The following LPGAT1 variants were observed in gnomAD, a reference collection of about 807,000 sequenced individuals.
The protein encoded by LPGAT1 is lysophosphatidylglycerol acyltransferase 1, also known as acyl-CoA:lysophosphatidylglycerol acyltransferase 1.
LPGAT1 carries 11 observed loss-of-function variants against 47.5 expected under a neutral mutation model. The ratio of observed to expected loss-of-function variants is 0.23; its 90% CI spans 0.15 to 0.38. The LOEUF (loss-of-function observed/expected upper bound fraction) is 0.38. LPGAT1 is among the 10% of genes least tolerant of loss of function. The probability of loss-of-function intolerance (pLI) is 1.00; values close to 1 mark genes in which losing one functional copy is unlikely to be tolerated. For missense variants in LPGAT1, 293 were observed against 439.0 expected (o/e 0.67, Z 2.97); for synonymous variants, 138 against 144.2 (o/e 0.96, Z 0.31).
chr1:211,775,509 C>T (rs958372684), intron 6 of LPGAT1, among the ~76,000 whole-genome samples: 1 of 151,988 alleles, frequency 6.6e-6, no homozygotes, highest in Non-Finnish European at 1.5e-5. Context: ...CAGTTATTGC[C>T]CTCTATGAAA....
At chr1:211,822,310 A>G (rs1386959066) in intron 2 of LPGAT1, among the ~76,000 whole-genome samples, 1 of 152,210 alleles carries the variant, frequency 6.6e-6, no homozygotes, top group East Asian at 1.9e-4. Flanking sequence ...TCTTTGAAAT[A>G]AGGACATCAA....
chr1:211,810,648 T>G (rs910244518), intron 2 of LPGAT1, among the ~76,000 whole-genome samples: 3 of 152,170 alleles, frequency 2.0e-5, no homozygotes, highest in Admixed American at 2.0e-4. Context: ...TTCAAGAAGT[T>G]TGCTCACTTA....
At chr1:211,810,351 G>C (rs1379042152) in intron 2 of LPGAT1, among the ~76,000 whole-genome samples, 1 of 152,102 alleles carries the variant, frequency 6.6e-6, no homozygotes, top group Non-Finnish European at 1.5e-5. Context: ...ATAGAGGGTG[G>C]AAGGAAAAAA....
intron 2 of LPGAT1, among the ~76,000 whole-genome samples, chr1:211,799,146 T>C (rs754361677): frequency 6.6e-6 from 1 of 152,158 alleles, no homozygotes; most frequent in Admixed American, 6.5e-5. Flanking sequence ...TAGGAAATCA[T>C]GGTCAGTGTC....
rs138092554 is a variant in LPGAT1, at chr1:211,803,846, C to T, written c.239-10656G>A. ...CACAACCTTGGCTCACTGCAGTCTC[C>T]ACCTCCCATGTTCAAACAATTCTCC... On this transcript the variant is annotated intron_variant, in intron 2 of 7. Transcript: ENST00000366997. Among the ~76,000 whole-genome samples, 369 of 150,094 alleles carry T rather than the reference C, an allele frequency of 2.5e-3. 3 individuals are homozygous for T. Among genetic ancestry groups the T allele is most frequent in the African/African-American group, 8.4e-3 (342 of 40,816 alleles).
At position 211,748,179 on chromosome 1, in the gene LPGAT1, T is replaced by A. The variant is rs1022020990; in HGVS notation, c.*1720A>T. 3 of 152,568 alleles carry A rather than the reference T, an allele frequency of 2.0e-5. No individual in the cohort carries two copies. Among genetic ancestry groups the A allele is most frequent in the Admixed American group, 2.0e-4 (3 of 15,274 alleles). 9.5% of individuals were successfully genotyped at this position (152,568 alleles called of 1,614,324 possible). A position where few individuals can be genotyped will look rare whatever the true frequency, so the allele number is the denominator to read the frequency against. On this transcript the variant is annotated 3_prime_UTR_variant, in exon 8 of 8. Transcript: ENST00000366997. The stretch of plus-strand genomic sequence containing the variant: ...TGTGTGATTAGTGACAACGGGGGAA[T>A]CTACAATGCTCACATCACAGTAAAC...
intron 6 of LPGAT1, among the ~76,000 whole-genome samples, chr1:211,756,751 T>A (rs1235335633): frequency 6.6e-6 from 1 of 152,214 alleles, no homozygotes; most frequent in African/African-American, 2.4e-5. Flanking sequence ...TCTTTCAAAC[T>A]AAACATTTTT....
intron 2 of LPGAT1, among the ~76,000 whole-genome samples, chr1:211,808,492 G>T (rs1659847447): frequency 1.3e-5 from 2 of 152,080 alleles, no homozygotes; most frequent in Admixed American, 6.6e-5. Context: ...AACATCATTA[G>T]CCACTAGGGA....
Position 211,752,244 on chromosome 1 carries a change from G to A in LPGAT1, c.855-1177C>T, listed in dbSNP as rs556826979. Among the ~76,000 whole-genome samples the A allele has an allele frequency of 5.6e-4, 85 of 151,982 alleles. 1 individual carries two copies. The highest frequency in any genetic ancestry group is 9.6e-4 in the Non-Finnish European group (65 of 67,990). ...TAACAAATTCAACCACAAACTCTCA[G>A]GCAATTGTCTATAATCAATGCTCTA... On this transcript the variant is annotated intron_variant, in intron 6 of 7. Transcript: ENST00000366997.
chr1:211,806,507 C>T (rs1387165570), intron 2 of LPGAT1, among the ~76,000 whole-genome samples: 2 of 151,984 alleles, frequency 1.3e-5, no homozygotes, highest in African/African-American at 2.4e-5. Flanking sequence ...ATGGTAGACA[C>T]TGAGGACTCC....
At chr1:211,781,038 C>T (rs967659409) in intron 5 of LPGAT1, among the ~76,000 whole-genome samples, 4 of 152,088 alleles carry the variant, frequency 2.6e-5, no homozygotes, top group African/African-American at 9.7e-5. Flanking sequence ...ACATATTAAA[C>T]ACAAAGGCAT....
chr1:211,813,525 T>C (rs1660070512), intron 2 of LPGAT1, among the ~76,000 whole-genome samples: 1 of 152,202 alleles, frequency 6.6e-6, no homozygotes, highest in South Asian at 2.1e-4. Context: ...GGGTATTATG[T>C]CGGTACTTAT....
At chr1:211,754,229 G>T (rs945901527) in intron 6 of LPGAT1, among the ~76,000 whole-genome samples, 1 of 152,164 alleles carries the variant, frequency 6.6e-6, no homozygotes, top group African/African-American at 2.4e-5. Flanking sequence ...GGGGCTGCGG[G>T]ATCTGCATTC....
intron 6 of LPGAT1, among the ~76,000 whole-genome samples, chr1:211,777,813 C>A (rs1052028766): frequency 4.6e-5 from 7 of 152,122 alleles, no homozygotes; most frequent in Admixed American, 1.3e-4. Context: ...GCTGCATTCC[C>A]AGATAGTTAA....
intron 2 of LPGAT1, among the ~76,000 whole-genome samples, chr1:211,820,937 C>A (rs1660348685): frequency 6.6e-6 from 1 of 152,016 alleles, no homozygotes; most frequent in Non-Finnish European, 1.5e-5. Flanking sequence ...AAGGGAGAAT[C>A]CCTTTGGGCA....
At chr1:211,778,341 CAAAAAAAAAAAA>C (rs551509650) in intron 6 of LPGAT1, among the ~76,000 whole-genome samples, 1 of 33,180 alleles carries the variant, frequency 3.0e-5, no homozygotes, top group Admixed American at 3.9e-4. Context: ...GACTCTGTCT[CAAAAAAAAAAAA>C]AAAAAAAAAA....
At position 211,749,392 on chromosome 1, in the gene LPGAT1, G is replaced by C. The variant is rs1463954640; in HGVS notation, c.*507C>G. On this transcript the variant is annotated 3_prime_UTR_variant, in exon 8 of 8. Coordinates refer to ENST00000366997, the MANE Select transcript of LPGAT1 (RefSeq NM_014873.3). ...CTGCAACAGACTGGAGTTTGTTACT[G>C]CAACAGACTGGAGTTTGTTACTGCA... is the stretch of plus-strand genomic sequence containing the variant. The C allele has an allele frequency of 6.3e-6, 1 of 158,194 alleles. No homozygotes were observed. The highest frequency in any genetic ancestry group is 1.4e-5 in the Non-Finnish European group (1 of 72,442). The allele number at this position is 158,194 out of a possible 1,614,324, so 9.8% of individuals were successfully genotyped here.
rs981028752 is a variant in LPGAT1 at position 211,747,953 on chromosome 1, T to C, written c.*1946A>G. 1 of 152,626 alleles carries C rather than the reference T, an allele frequency of 6.6e-6. No individual in the cohort carries two copies. The highest frequency in any genetic ancestry group is 1.5e-5 in the Non-Finnish European group (1 of 68,036). The allele number at this position is 152,626 out of a possible 1,614,324, so 9.5% of individuals were successfully genotyped here. On this transcript the variant is annotated 3_prime_UTR_variant, in exon 8 of 8. Transcript: ENST00000366997. ...AGTAGTAGTATAATATTCAATGAGG[T>C]ATTTCAGTTAATGCATCATTCTCTT...
intron 2 of LPGAT1, among the ~76,000 whole-genome samples, chr1:211,794,777 T>C (rs1457132527): frequency 6.6e-6 from 1 of 152,204 alleles, no homozygotes; most frequent in Non-Finnish European, 1.5e-5. Context: ...AAGCCACCTG[T>C]GTGTAAAAGC....
Sources: allele counts gnomAD v4.1 joint callset (sites outside exome capture counted in the v4.1 genomes callset), GRCh38; gene constraint gnomAD v4.1.1; transcripts MANE v1.5; gene names NCBI Gene and HGNC (gene_info 2026-07-23, HGNC 2026-07-21).